Variants in PTPRT observed in about 807,000 individuals in gnomAD.
PTPRT encodes receptor-type tyrosine-protein phosphatase T.
A neutral mutation model predicts 176.8 loss-of-function variants in PTPRT; 56 were observed. The ratio of observed to expected loss-of-function variants is 0.32; its 90% CI spans 0.26 to 0.40. PTPRT has a LOEUF of 0.40. Among genes scored for constraint, PTPRT ranks in the 10% least tolerant of loss-of-function variants. The pLI, the probability that PTPRT is intolerant of heterozygous loss-of-function variation, is 1.00. For synonymous variants in PTPRT, 783 were observed against 739.0 expected (o/e 1.06, Z -0.96); for missense variants, 1,540 against 1,908.2 (o/e 0.81, Z 3.60).
intron 1 of PTPRT, among the ~76,000 whole-genome samples, chr20:42,962,463 C>T (rs1982043843): frequency 6.6e-6 from 1 of 151,792 alleles, no homozygotes; most frequent in Non-Finnish European, 1.5e-5. Flanking sequence ...AAAAAAAAAC[C>T]TTTAGAACAG....
chr20:43,005,524 T>C lies in PTPRT; in HGVS notation c.89-119592A>G, dbSNP rs990134052. 2.5e-4 allele frequency among the ~76,000 whole-genome samples: 38 copies of C among 152,142 alleles called. 1 individual carries two copies. On this transcript the variant is annotated intron_variant, in intron 1 of 30. Transcript: ENST00000373187. ...TGGCCACTACAACACCCTGCTTGTC[T>C]CCTTCAATGCACTTCCCACAATCTG...
chr20:42,828,578 C>T (rs1416774476), intron 2 of PTPRT, among the ~76,000 whole-genome samples: 1 of 152,078 alleles, frequency 6.6e-6, no homozygotes, highest in African/African-American at 2.4e-5. Context: ...AGAAAAATGG[C>T]TTTGTGGGCC....
chr20:42,623,375 C>T lies in PTPRT; in HGVS notation c.1153+54491G>A, dbSNP rs149512039. Among the ~76,000 whole-genome samples the T allele has an allele frequency of 2.0e-3, 304 of 152,344 alleles. 5 individuals are homozygous for T. Among genetic ancestry groups the T allele is most frequent in the East Asian group, 0.014 (70 of 5,184 alleles). ...CTGCCTGTCTGTGTGCTCCCCCTCC[C>T]GTAAGGGGTTTGAGCTTGTGGCAGC... On this transcript the variant is annotated intron_variant, in intron 7 of 30. Transcript: ENST00000373187.
intron 9 of PTPRT, among the ~76,000 whole-genome samples, chr20:42,373,054 T>C (rs990197307): frequency 6.6e-6 from 1 of 152,198 alleles, no homozygotes; most frequent in Admixed American, 6.5e-5. Flanking sequence ...CTCAGTGAAA[T>C]AGGGCCTATG....
intron 7 of PTPRT, among the ~76,000 whole-genome samples, chr20:42,547,080 A>G (rs957829985): frequency 6.6e-6 from 1 of 152,222 alleles, no homozygotes; most frequent in African/African-American, 2.4e-5. Flanking sequence ...GTAAAAACAT[A>G]CAATATCTAT....
chr20:42,720,778 T>C (rs997181189), intron 6 of PTPRT, among the ~76,000 whole-genome samples: 2 of 152,210 alleles, frequency 1.3e-5, no homozygotes, highest in Admixed American at 6.5e-5. Context: ...GTTTTCAAGA[T>C]ATTTTGTCAG....
At chr20:42,132,535 G>A (rs6029989) in intron 18 of PTPRT, among the ~76,000 whole-genome samples, 1 of 152,160 alleles carries the variant, frequency 6.6e-6, no homozygotes, top group Non-Finnish European at 1.5e-5. Flanking sequence ...ACCTAATCAA[G>A]GAAGATATAC....
intron 16 of PTPRT, among the ~76,000 whole-genome samples, chr20:42,166,007 T>C (rs943209187): frequency 6.6e-6 from 1 of 152,256 alleles, no homozygotes; most frequent in African/African-American, 2.4e-5. Flanking sequence ...AAATTATTAA[T>C]GCTATATTTT....
chr20:42,630,422 A>G (rs969433019), intron 7 of PTPRT, among the ~76,000 whole-genome samples: 2 of 152,142 alleles, frequency 1.3e-5, no homozygotes, highest in Non-Finnish European at 2.9e-5. Flanking sequence ...CTAATACAAC[A>G]GCCCTGACTT....
intron 7 of PTPRT, among the ~76,000 whole-genome samples, chr20:42,487,604 AATG>A (rs2071485996): frequency 6.6e-6 from 1 of 152,182 alleles, no homozygotes; most frequent in South Asian, 2.1e-4. Context: ...AGAGAGGAGA[AATG>A]ATGTTAGGCT....
At chr20:42,155,870 T>TA (rs1274427023) in intron 17 of PTPRT, among the ~76,000 whole-genome samples, 1 of 152,194 alleles carries the variant, frequency 6.6e-6, no homozygotes, top group African/African-American at 2.4e-5. Context: ...CTACAAGATC[T>TA]AAAATGCAAA....
chr20:42,112,358 C>A (rs1270356963), intron 22 of PTPRT, among the ~76,000 whole-genome samples: 1 of 152,166 alleles, frequency 6.6e-6, no homozygotes, highest in Non-Finnish European at 1.5e-5. Context: ...AGGAACCCCC[C>A]TCCCCTGGGG....
At chr20:42,327,544 G>A (rs576470416) in intron 11 of PTPRT, among the ~76,000 whole-genome samples, 9 of 151,982 alleles carry the variant, frequency 5.9e-5, no homozygotes, top group East Asian at 5.8e-4. Context: ...GTTTTGAAGC[G>A]TCATGGTCAC....
At chr20:42,116,827 T>G (rs990876205) in intron 21 of PTPRT, among the ~76,000 whole-genome samples, 10 of 152,198 alleles carry the variant, frequency 6.6e-5, no homozygotes, top group African/African-American at 2.4e-4. Flanking sequence ...TCTAAGAGAC[T>G]GCTTTCCTCC....
chr20:42,883,114 A>G (rs2079032564), intron 2 of PTPRT, among the ~76,000 whole-genome samples: 1 of 152,244 alleles, frequency 6.6e-6, no homozygotes, highest in African/African-American at 2.4e-5. Context: ...AAGCCTCAGA[A>G]AGCCTTAAGA....
chr20:43,064,218 C>G (rs181677119), intron 1 of PTPRT, among the ~76,000 whole-genome samples: 3 of 152,162 alleles, frequency 2.0e-5, no homozygotes, highest in African/African-American at 7.2e-5. Context: ...ATTCTTAGGC[C>G]TGGTCCATGA....
In PTPRT at chr20:42,993,503, CAT is replaced by C. The variant is rs1424720527; in HGVS notation, c.89-107573_89-107572del. Reference sequence around the variant, plus strand: ...ATATATGTGTGTGTATATATATACACATATATGTGTGTGTATATATATACACA... The same window carrying C: ...ATATATGTGTGTGTATATATATACACATATGTGTGTGTATATATATACACA... On this transcript the variant is annotated intron_variant, in intron 1 of 30. Transcript: ENST00000373187. Among the ~76,000 whole-genome samples the C allele has an allele frequency of 2.6e-4, 18 of 70,412 alleles. 5 individuals carry two copies. The highest frequency in any genetic ancestry group is 5.7e-4 in the South Asian group (2 of 3,510). The allele number at this position is 70,412 out of a possible 152,430, so 46.2% of individuals were successfully genotyped here. A position where few individuals can be genotyped will look rare whatever the true frequency, so the allele number is the denominator to read the frequency against.
At chr20:42,782,343 C>G (rs939879535) in intron 3 of PTPRT, among the ~76,000 whole-genome samples, 1 of 152,158 alleles carries the variant, frequency 6.6e-6, no homozygotes, top group Admixed American at 6.5e-5. Flanking sequence ...GCTCTGCACC[C>G]TAGACCTTTC....
the PTPRT span, among the ~76,000 whole-genome samples, chr20:42,065,297 T>G: frequency 6.6e-6 from 1 of 152,348 alleles, no homozygotes; most frequent in African/African-American, 2.4e-5. Flanking sequence ...TTGATTAATA[T>G]TGCTAGCTGC....
Sources: gnomAD v4.1 joint callset for allele counts (sites outside exome capture counted in the v4.1 genomes callset) on GRCh38, gnomAD v4.1.1 for gene constraint, MANE v1.5 for transcripts, NCBI Gene and HGNC (gene_info 2026-07-23, HGNC 2026-07-21) for gene names.